The following ANKS1B variants were observed in gnomAD, a reference collection of about 807,000 sequenced individuals.
ANKS1B encodes ankyrin repeat and sterile alpha motif domain-containing protein 1B.
In ANKS1B, 36 loss-of-function variants were observed where a neutral mutation model predicts 148.3. The ratio of observed to expected loss-of-function variants is 0.24; its 90% CI spans 0.19 to 0.32. The LOEUF (loss-of-function observed/expected upper bound fraction) is 0.32. Among genes scored for constraint, ANKS1B ranks in the 10% least tolerant of loss-of-function variants. The pLI is 1.00. For missense variants in ANKS1B, 1,157 were observed against 1,542.6 expected (o/e 0.75, Z 4.19); for synonymous variants, 542 against 560.8 (o/e 0.97, Z 0.47).
chr12:98,855,091 G>A (rs988289618), intron 17 of ANKS1B, among the ~76,000 whole-genome samples: 4 of 151,490 alleles, frequency 2.6e-5, no homozygotes, highest in African/African-American at 7.3e-5. Flanking sequence ...CCCGGGAAGC[G>A]GAGCTTGCAG....
At chr12:98,920,961 T>A (rs1489001658) in intron 17 of ANKS1B, among the ~76,000 whole-genome samples, 1 of 152,230 alleles carries the variant, frequency 6.6e-6, no homozygotes, top group African/African-American at 2.4e-5. Context: ...AATTTCAATT[T>A]TCAAACAAGA....
intron 8 of ANKS1B, among the ~76,000 whole-genome samples, chr12:99,664,773 T>A (rs891963767): frequency 6.6e-6 from 1 of 152,214 alleles, no homozygotes; most frequent in Non-Finnish European, 1.5e-5. Flanking sequence ...ATACACTTTA[T>A]GTTTGGCATA....
chr12:99,668,817 T>C (rs2098522589), intron 8 of ANKS1B, among the ~76,000 whole-genome samples: 1 of 152,106 alleles, frequency 6.6e-6, no homozygotes, highest in South Asian at 2.1e-4. Flanking sequence ...ACAGGCTCTG[T>C]TATTTATTTT....
intron 17 of ANKS1B, among the ~76,000 whole-genome samples, chr12:98,836,010 C>T (rs535019667): frequency 6.6e-5 from 10 of 152,302 alleles, no homozygotes; most frequent in Admixed American, 5.9e-4. Context: ...TTTAGAGATG[C>T]AAAATCTGAG....
intron 20 of ANKS1B, among the ~76,000 whole-genome samples, chr12:98,806,303 T>C (rs922493900): frequency 6.6e-6 from 1 of 152,232 alleles, no homozygotes; most frequent in Non-Finnish European, 1.5e-5. Flanking sequence ...TATTATTCTT[T>C]AAAATTTTTA....
At chr12:99,647,583 G>A (rs1280997697) in intron 9 of ANKS1B, among the ~76,000 whole-genome samples, 1 of 152,140 alleles carries the variant, frequency 6.6e-6, no homozygotes, top group Non-Finnish European at 1.5e-5. Context: ...TTGGTGGCGG[G>A]GTAGTGGTCT....
At chr12:99,204,342 A>G (rs970561116) in intron 14 of ANKS1B, among the ~76,000 whole-genome samples, 3 of 152,180 alleles carry the variant, frequency 2.0e-5, no homozygotes, top group African/African-American at 7.2e-5. Context: ...TGCTTCTATA[A>G]AACAGAACAA....
At chr12:99,823,786 A>G (rs1279309540) in intron 2 of ANKS1B, among the ~76,000 whole-genome samples, 2 of 152,216 alleles carry the variant, frequency 1.3e-5, no homozygotes, top group African/African-American at 4.8e-5. Context: ...GTTAAGGTCC[A>G]GTTCCAGTCT....
chr12:99,351,130 C>T (rs1044935383), intron 12 of ANKS1B, among the ~76,000 whole-genome samples: 2 of 152,036 alleles, frequency 1.3e-5, no homozygotes, highest in South Asian at 2.1e-4. Flanking sequence ...TGTGAGTCTG[C>T]TGATGGGCAG....
At chr12:98,870,368 A>G (rs886534477) in intron 17 of ANKS1B, among the ~76,000 whole-genome samples, 13 of 152,264 alleles carry the variant, frequency 8.5e-5, no homozygotes, top group African/African-American at 3.1e-4. Context: ...CCACAATCCA[A>G]TAAAGGTGGT....
rs772127024 is a variant in ANKS1B at position 98,948,728 on chromosome 12, C to A, written c.2778+104429G>T. On this transcript the variant is annotated intron_variant, in intron 17 of 26. Transcript: ENST00000683438. Reference sequence around the variant, plus strand: ...GAGGTAGGAATAATTATGCCAATTTCTCTCTCTCTCTCTCTCTCTCTGTCT... The same window carrying A: ...GAGGTAGGAATAATTATGCCAATTTATCTCTCTCTCTCTCTCTCTCTGTCT... Among the ~76,000 whole-genome samples the A allele has an allele frequency of 2.9e-4, 41 of 142,448 alleles. 1 individual carries two copies. Among genetic ancestry groups the A allele is most frequent in the South Asian group, 2.0e-3 (9 of 4,544 alleles). The allele number at this position is 142,448 out of a possible 152,430, so 93.5% of individuals were successfully genotyped here.
intron 12 of ANKS1B, among the ~76,000 whole-genome samples, chr12:99,371,948 A>G (rs1373758351): frequency 3.3e-5 from 5 of 152,188 alleles, no homozygotes; most frequent in African/African-American, 1.2e-4. Context: ...CCAAACTAAC[A>G]CTATTATTAT....
chr12:99,550,055 T>C (rs1446772889), intron 9 of ANKS1B, among the ~76,000 whole-genome samples: 1 of 152,200 alleles, frequency 6.6e-6, no homozygotes, highest in East Asian at 1.9e-4. Context: ...TAAACCTGTG[T>C]TGTTGTTGAG....
At chr12:99,964,159 C>T (rs772801051) in intron 1 of ANKS1B, among the ~76,000 whole-genome samples, 1 of 152,124 alleles carries the variant, frequency 6.6e-6, no homozygotes, top group African/African-American at 2.4e-5. Context: ...AAAGTGCTGA[C>T]CAGCCTATCA....
At chr12:99,507,644 G>A (rs552563269) in intron 9 of ANKS1B, among the ~76,000 whole-genome samples, 12 of 151,860 alleles carry the variant, frequency 7.9e-5, no homozygotes, top group Non-Finnish European at 1.0e-4. Context: ...TTCTTAGAAT[G>A]TAAGTCTTTG....
At chr12:98,795,657 G>A in intron 22 of ANKS1B, 1 of 451,974 alleles carries the variant, frequency 2.2e-6, no homozygotes, top group Non-Finnish European at 4.4e-6. Flanking sequence ...CATAAAATAA[G>A]CCATTTAAAA....
intron 8 of ANKS1B, among the ~76,000 whole-genome samples, chr12:99,674,986 A>G (rs2098555637): frequency 6.6e-6 from 1 of 151,976 alleles, no homozygotes; most frequent in African/African-American, 2.4e-5. Context: ...AGTACAATTG[A>G]CCACTGATCA....
chr12:98,919,453 C>T (rs1399876420), intron 17 of ANKS1B, among the ~76,000 whole-genome samples: 2 of 152,128 alleles, frequency 1.3e-5, no homozygotes, highest in Non-Finnish European at 2.9e-5. Flanking sequence ...CTGTATACAA[C>T]CTACTTTTAT....
At chr12:99,521,265 T>C (rs771871882) in intron 9 of ANKS1B, among the ~76,000 whole-genome samples, 2 of 152,264 alleles carry the variant, frequency 1.3e-5, no homozygotes, top group Non-Finnish European at 2.9e-5. Flanking sequence ...GTTAAATTTA[T>C]GTAATAGAAT....
Sources: allele counts gnomAD v4.1 joint callset (sites outside exome capture counted in the v4.1 genomes callset), GRCh38; gene constraint gnomAD v4.1.1; transcripts MANE v1.5; gene names NCBI Gene and HGNC (gene_info 2026-07-23, HGNC 2026-07-21).